The following ADAM32 variants were observed in gnomAD, a reference collection of about 807,000 sequenced individuals.
ADAM32 encodes the protein disintegrin and metalloproteinase domain-containing protein 32.
A neutral mutation model predicts 114.9 loss-of-function variants in ADAM32; 89 were observed. The observed-to-expected ratio is 0.77, with a 90% CI of 0.65 to 0.92. The LOEUF is 0.92. ADAM32 is among the 40% of genes least tolerant of loss of function. ADAM32 has a pLI of 0.00. For synonymous variants in ADAM32, 285 were observed against 307.5 expected (o/e 0.93, Z 0.77); for missense variants, 870 against 932.8 (o/e 0.93, Z 0.88).
At chr8:39,221,777 C>T (rs1808982128) in intron 13 of ADAM32, 75 bp downstream of exon 13, 2 of 897,084 alleles carry the variant, frequency 2.2e-6, no homozygotes, top group Non-Finnish European at 3.4e-6. Flanking sequence ...CACAGACCTA[C>T]AGCTGTAATT....
intron 10 of ADAM32, among the ~76,000 whole-genome samples, chr8:39,177,840 C>T (rs538002514): frequency 4.6e-5 from 7 of 152,318 alleles, no homozygotes; most frequent in African/African-American, 1.7e-4. Flanking sequence ...TATTGGCCCC[C>T]AATCTCTTCT....
intron 3 of ADAM32, among the ~76,000 whole-genome samples, chr8:39,137,890 T>C (rs1802901382): frequency 6.6e-6 from 1 of 152,096 alleles, no homozygotes; most frequent in South Asian, 2.1e-4. Flanking sequence ...TGGTGGATGA[T>C]AACGCAAAGA....
chr8:39,258,670 A>G lies in ADAM32; in HGVS notation c.2162+1327A>G, dbSNP rs547255367. Among the ~76,000 whole-genome samples, 6 of 152,258 alleles carry G rather than the reference A, an allele frequency of 3.9e-5. No homozygotes were observed. In the East Asian group the frequency reaches 5.8e-4, roughly 15 times the overall value. On this transcript the variant is annotated intron_variant, in intron 19 of 24. Coordinates refer to ENST00000379907, the MANE Select transcript of ADAM32 (RefSeq NM_145004.7). ...GTGTAAGCTTGATATGTGTCCTCCAATGTTTTTAGGACCAACTTTTTAATT... is the reference window on the plus strand; with the variant it reads ...GTGTAAGCTTGATATGTGTCCTCCAGTGTTTTTAGGACCAACTTTTTAATT...
chr8:39,211,116 C>A (rs1411354281), intron 11 of ADAM32, 28 bp from the exon 12 acceptor site: 2 of 1,434,938 alleles, frequency 1.4e-6, no homozygotes, highest in East Asian at 2.6e-5. Context: ...AGTATACTGC[C>A]AATGACATTA....
chr8:39,236,919 T>C (rs1810187987), intron 16 of ADAM32, among the ~76,000 whole-genome samples: 1 of 152,198 alleles, frequency 6.6e-6, no homozygotes, highest in East Asian at 1.9e-4. Flanking sequence ...TATGAACTTT[T>C]GCTGCAAGAA....
chr8:39,185,454 C>G (rs1348888610), intron 10 of ADAM32, among the ~76,000 whole-genome samples: 1 of 152,154 alleles, frequency 6.6e-6, no homozygotes, highest in Non-Finnish European at 1.5e-5. Context: ...AATATCCTCC[C>G]AGCTCTCTTT....
chr8:39,170,055 G>T, intron 10 of ADAM32, 58 bp downstream of exon 10: 4 of 1,296,650 alleles, frequency 3.1e-6, no homozygotes, highest in South Asian at 1.4e-5. Flanking sequence ...TATTTGACAT[G>T]ATAGTATATA....
In ADAM32 at chr8:39,130,530, C is replaced by G. The variant is rs1181950928; in HGVS notation, c.139-6127C>G. Among the ~76,000 whole-genome samples, 3 of 152,002 alleles carry G rather than the reference C, an allele frequency of 2.0e-5. No individual in the cohort carries two copies. In the East Asian group the frequency reaches 5.8e-4, roughly 29 times the overall value. ...TTTTCTTTTCTTTCTACATAGGTAC[C>G]TAAAGCCACACATTTCTCTACAAGC... On this transcript the variant is annotated intron_variant, in intron 2 of 24. Transcript: ENST00000379907.
chr8:39,137,417 A>C (rs1015781106), intron 3 of ADAM32, among the ~76,000 whole-genome samples: 1 of 152,186 alleles, frequency 6.6e-6, no homozygotes, highest in Non-Finnish European at 1.5e-5. Flanking sequence ...AAGAAAGAGA[A>C]AACAAAGTAT....
chr8:39,110,367 G>A (rs751600269), intron 1 of ADAM32, among the ~76,000 whole-genome samples: 5 of 152,216 alleles, frequency 3.3e-5, no homozygotes, highest in South Asian at 2.1e-4. Context: ...CGCTGCACCC[G>A]GCCGCTTTTT....
chr8:39,231,958 T>C (rs1809762199), intron 14 of ADAM32, 69 bp from the exon 15 acceptor site: 1 of 1,207,926 alleles, frequency 8.3e-7, no homozygotes, highest in East Asian at 2.4e-5. Flanking sequence ...GGGAATATTA[T>C]ATGAAGAAAT....
intron 20 of ADAM32, among the ~76,000 whole-genome samples, chr8:39,272,101 G>GAAAAAAAAAAAAA (rs11366445): frequency 7.6e-5 from 5 of 65,804 alleles, no homozygotes; most frequent in Admixed American, 3.6e-4. Flanking sequence ...GTGAGCTCCA[G>GAAAAAAAAAAAAA]AAAAAAAAAA....
At chr8:39,278,395 C>T (rs1314836010) in intron 22 of ADAM32, among the ~76,000 whole-genome samples, 1 of 152,118 alleles carries the variant, frequency 6.6e-6, no homozygotes, top group Non-Finnish European at 1.5e-5. Context: ...TTGCCAGAGA[C>T]CCACCCTTTT....
intron 19 of ADAM32, among the ~76,000 whole-genome samples, chr8:39,262,317 A>G (rs1053031586): frequency 6.6e-6 from 1 of 152,026 alleles, no homozygotes. Flanking sequence ...CCTTTCTCCA[A>G]TGAATATTCT....
chr8:39,137,449 T>G (rs1040492549), intron 3 of ADAM32, among the ~76,000 whole-genome samples: 1 of 152,106 alleles, frequency 6.6e-6, no homozygotes, highest in African/African-American at 2.4e-5. Context: ...GAAAATTTCT[T>G]AAGGAGAAGA....
chr8:39,271,400 C>A (rs1217689495), intron 20 of ADAM32, among the ~76,000 whole-genome samples: 1 of 150,278 alleles, frequency 6.7e-6, no homozygotes. Flanking sequence ...GTAAGCAAAC[C>A]TACTGCACAA....
At chr8:39,219,629 G>A (rs1278947463) in intron 12 of ADAM32, among the ~76,000 whole-genome samples, 1 of 152,198 alleles carries the variant, frequency 6.6e-6, no homozygotes, top group Non-Finnish European at 1.5e-5. Flanking sequence ...GCTGCTGGGG[G>A]ATAAGGGATG....
At chr8:39,108,408 A>C (rs1165726067) in intron 1 of ADAM32, among the ~76,000 whole-genome samples, 1 of 152,236 alleles carries the variant, frequency 6.6e-6, no homozygotes, top group East Asian at 1.9e-4. Context: ...AACTATGAGG[A>C]AAATAAATTT....
intron 10 of ADAM32, among the ~76,000 whole-genome samples, chr8:39,185,496 G>GT: frequency 6.6e-6 from 1 of 152,184 alleles, no homozygotes; most frequent in East Asian, 1.9e-4. Flanking sequence ...TTCCCAACAG[G>GT]TTTCACACAG....
Sources: allele counts gnomAD v4.1 joint callset (sites outside exome capture counted in the v4.1 genomes callset), GRCh38; gene constraint gnomAD v4.1.1; transcripts MANE v1.5; gene names NCBI Gene and HGNC (gene_info 2026-07-23, HGNC 2026-07-21).